The following GOT2 variants were observed in gnomAD, a reference collection of about 807,000 sequenced individuals.
GOT2 encodes the protein glutamic-oxaloacetic transaminase 2, also known as aspartate aminotransferase, mitochondrial.
A neutral mutation model predicts 50.0 loss-of-function variants in GOT2; 17 were observed. The ratio of observed to expected loss-of-function variants is 0.34; its 90% confidence interval spans 0.23 to 0.51. GOT2 has a LOEUF of 0.51. GOT2 is among the 20% of genes least tolerant of loss of function. GOT2 has a pLI of 0.97. For synonymous variants in GOT2, 172 were observed against 204.9 expected, an observed-to-expected ratio of 0.84 and a Z score of 1.37; for missense variants, 430 against 559.6, an observed-to-expected ratio of 0.77 and a Z score of 2.34.
Position 58,734,124 on chromosome 16 carries a change from G to T in GOT2, c.89+16C>A. 1 of 1,306,236 alleles carries T rather than the reference G, an allele frequency of 7.7e-7. No individual in the cohort carries two copies. The allele number at this position is 1,306,236 out of a possible 1,614,324, so 80.9% of individuals were successfully genotyped here. A position where few individuals can be genotyped will look rare whatever the true frequency, so the allele number is the denominator to read the frequency against. ...GGGCCATCGCCCTGGCTCCATCTCC[G>T]TTTCCCTTGGCTTACCTGGCTCTGG... On this transcript the variant is annotated intron_variant, in intron 1 of 9. Transcript: ENST00000245206.
chr16:58,730,755 A>G (rs1050182618), intron 1 of GOT2, among the ~76,000 whole-genome samples: 48 of 152,322 alleles, frequency 3.2e-4, no homozygotes, highest in Non-Finnish European at 1.8e-4. Context: ...TAAAATGGTA[A>G]AGACTACACA....
intron 1 of GOT2, chr16:58,733,826 C>A: frequency 3.2e-6 from 1 of 316,520 alleles, no homozygotes; most frequent in East Asian, 4.9e-5. Flanking sequence ...ATCCGCACCC[C>A]TCCCACTGAA....
chr16:58,716,576 A>C (rs1597699952), intron 7 of GOT2, 87 bp downstream of exon 7: 1 of 1,113,178 alleles, frequency 9.0e-7, no homozygotes, highest in South Asian at 1.4e-5. Flanking sequence ...ACACACACAC[A>C]CACACACACA....
intron 3 of GOT2, 101 bp downstream of exon 3, chr16:58,722,049 G>A (rs964810755): frequency 4.6e-6 from 6 of 1,314,532 alleles, no homozygotes; most frequent in Non-Finnish European, 6.4e-6. Context: ...CAAAGTGGTG[G>A]GATTACAGGC....
chr16:58,720,700 TC>T (rs1282939424), intron 3 of GOT2, among the ~76,000 whole-genome samples: 2 of 151,518 alleles, frequency 1.3e-5, no homozygotes, highest in Non-Finnish European at 2.9e-5. Context: ...CATGTCAGCC[TC>T]CCCAGTAGCT....
chr16:58,713,044 A>C (rs1869844061), intron 8 of GOT2, among the ~76,000 whole-genome samples: 1 of 152,232 alleles, frequency 6.6e-6, no homozygotes, highest in African/African-American at 2.4e-5. Flanking sequence ...GGTTGCAGTG[A>C]GCCAAGATTG....
intron 7 of GOT2, 85 bp downstream of exon 7, chr16:58,716,577 CA>C: frequency 8.8e-7 from 1 of 1,137,742 alleles, no homozygotes; most frequent in Non-Finnish European, 1.3e-6. Context: ...CACACACACA[CA>C]CACACACACA....
intron 2 of GOT2, among the ~76,000 whole-genome samples, 170 bp from the exon 3 acceptor site, chr16:58,722,448 G>A (rs149978360): frequency 6.6e-6 from 1 of 151,536 alleles, no homozygotes; most frequent in African/African-American, 2.4e-5. Flanking sequence ...TCGGCTCACT[G>A]CAACCTCCAC....
intron 3 of GOT2, among the ~76,000 whole-genome samples, chr16:58,720,085 C>T (rs2044728923): frequency 2.0e-5 from 3 of 152,192 alleles, no homozygotes; most frequent in African/African-American, 7.2e-5. Flanking sequence ...CCTGTAATCC[C>T]AGCTACTCAG....
rs2044746753 is a variant in GOT2, at chr16:58,722,239, A to G, written c.286T>C (p.Tyr96His). 1.2e-6 allele frequency: 2 copies of G among 1,613,256 alleles called. No individual in the cohort carries two copies. Among genetic ancestry groups the G allele is most frequent in the Non-Finnish European group, 8.5e-7 (1 of 1,179,902 alleles). Residue 96 changes from tyrosine to histidine, a missense_variant, in exon 3 of 10, where the codon TAC becomes CAC. Tyr to His is a moderately conservative substitution (Grantham distance 83, BLOSUM62 2). Transcript: ENST00000245206. ...TCAGCCAGTCCCCCAATGGGCAGGT[A>G]TTCCTTGTCCAAATTTTTTGCGGCA... is the stretch of plus-strand genomic sequence containing the variant. Reference protein sequence around the residue: ...QIAAKNLDKEYLPIGGLAEFC... With the variant: ...QIAAKNLDKEHLPIGGLAEFC...
At position 58,722,267 on chromosome 16, in the gene GOT2, CT is replaced by C; in HGVS notation, c.257del (p.Gln86ArgfsTer27). ...CCTTGTCCAAATTTTTTGCGGCAAT[CT>C]GGGCCTCTGCCTAGACAAGAGAAAA... ...VLPSVRKAEA[Q>X]IAAKNLDKEY... On this transcript the variant is annotated frameshift_variant, in exon 3 of 10. Transcript: ENST00000245206. LOFTEE classifies it high-confidence loss of function. 6.2e-7 allele frequency: 1 copy of C among 1,613,724 alleles called. No individual in the cohort carries two copies. Among genetic ancestry groups the C allele is most frequent in the Non-Finnish European group, 8.5e-7 (1 of 1,179,822 alleles).
intron 8 of GOT2, among the ~76,000 whole-genome samples, chr16:58,714,484 G>A (rs926184969): frequency 3.3e-5 from 5 of 151,300 alleles, no homozygotes; most frequent in Admixed American, 1.3e-4. Context: ...CCCGGGAGGC[G>A]GAGCTTGCAG....
At chr16:58,718,793 C>T in intron 4 of GOT2, 105 bp from the exon 5 acceptor site, 1 of 922,502 alleles carries the variant, frequency 1.1e-6, no homozygotes, top group Non-Finnish European at 1.6e-6. Context: ...AACCCAGTTT[C>T]TCTCTATGGT....
intron 3 of GOT2, among the ~76,000 whole-genome samples, chr16:58,720,685 C>A (rs556092149): frequency 6.6e-6 from 1 of 151,560 alleles, no homozygotes; most frequent in African/African-American, 2.4e-5. Context: ...TTCCAGGATT[C>A]CTCCCATGTC....
chr16:58,719,595 T>C (rs2044724346), intron 3 of GOT2, among the ~76,000 whole-genome samples: 1 of 151,816 alleles, frequency 6.6e-6, no homozygotes, highest in Non-Finnish European at 1.5e-5. Context: ...CTGTCTCTAC[T>C]AAAACAAAAA....
chr16:58,724,211 A>ATTACTC (rs2044764559), intron 1 of GOT2, among the ~76,000 whole-genome samples: 1 of 151,828 alleles, frequency 6.6e-6, no homozygotes, highest in Non-Finnish European at 1.5e-5. Flanking sequence ...ACCCGGCCAT[A>ATTACTC]TTACTCTTAT....
Position 58,716,144 on chromosome 16 carries a change from C to G in GOT2, c.889G>C (p.Asp297His). ...RVGAFTMVCK[D>H]ADEAKRVESQ... is the part of the protein sequence containing the mutation. ...TCTACCCTTTTGGCTTCATCCGCAT[C>G]TTTGCAGACCATAGTGAAGGCTCCT... The change falls in exon 8 of 10, where the codon GAT becomes CAT. Residue 297 changes from aspartate to histidine, a missense_variant. Transcript: ENST00000245206. 6.2e-7 allele frequency: 1 copy of G among 1,613,862 alleles called. No individual in the cohort carries two copies. The highest frequency in any genetic ancestry group is 8.5e-7 in the Non-Finnish European group (1 of 1,179,930).
intron 8 of GOT2, among the ~76,000 whole-genome samples, chr16:58,710,360 C>T (rs2044636501): frequency 6.6e-6 from 1 of 151,764 alleles, no homozygotes; most frequent in Non-Finnish European, 1.5e-5. Flanking sequence ...GCTGGGACCA[C>T]AAGTGCATTC....
intron 1 of GOT2, among the ~76,000 whole-genome samples, chr16:58,726,384 C>A (rs1253026472): frequency 6.6e-6 from 1 of 152,126 alleles, no homozygotes; most frequent in Non-Finnish European, 1.5e-5. Context: ...CGGGGTTTCG[C>A]CGTGTTGGCC....
Sources: allele counts gnomAD v4.1 joint callset (sites outside exome capture counted in the v4.1 genomes callset), GRCh38; gene constraint gnomAD v4.1.1; transcripts MANE v1.5; gene names NCBI Gene and HGNC (gene_info 2026-07-23, HGNC 2026-07-21).